Variants in CRYBG1 observed in about 807,000 individuals in gnomAD.
CRYBG1 encodes beta/gamma crystallin domain-containing protein 1.
CRYBG1 carries 139 observed loss-of-function variants against 189.2 expected under a neutral mutation model. The ratio of observed to expected loss-of-function variants is 0.73; its 90% CI spans 0.64 to 0.85. The LOEUF (loss-of-function observed/expected upper bound fraction) is 0.85. CRYBG1 is among the 40% of genes least tolerant of loss of function. CRYBG1 has a pLI of 0.00. For missense variants in CRYBG1, 2,611 were observed against 2,675.8 expected (o/e 0.98, Z 0.53); for synonymous variants, 1,023 against 1,017.1 (o/e 1.01, Z -0.11).
chr6:106,422,016 C>G (rs894055945), intron 1 of CRYBG1, among the ~76,000 whole-genome samples: 2 of 152,236 alleles, frequency 1.3e-5, no homozygotes, highest in African/African-American at 4.8e-5. Context: ...CACCAGGTCC[C>G]TCCCACAACA....
chr6:106,386,847 T>C (rs1770400571), intron 1 of CRYBG1, among the ~76,000 whole-genome samples: 2 of 152,182 alleles, frequency 1.3e-5, no homozygotes, highest in Non-Finnish European at 2.9e-5. Context: ...TAATAGGCCC[T>C]GGACCACTAT....
At chr6:106,472,637 G>A (rs1772256127) in intron 2 of CRYBG1, among the ~76,000 whole-genome samples, 1 of 151,930 alleles carries the variant, frequency 6.6e-6, no homozygotes, top group African/African-American at 2.4e-5. Context: ...GCTCATGCCT[G>A]TAATCCCAGC....
intron 6 of CRYBG1, among the ~76,000 whole-genome samples, chr6:106,526,771 T>G (rs770868842): frequency 3.3e-5 from 5 of 151,592 alleles, no homozygotes; most frequent in Admixed American, 6.6e-5. Context: ...GGAAACTCAG[T>G]CTCTACTAAA....
chr6:106,519,303 C>A lies in CRYBG1; in HGVS notation c.2095C>A (p.Arg699=). 2 of 1,614,088 alleles carry A rather than the reference C, an allele frequency of 1.2e-6. No individual in the cohort carries two copies. The highest frequency in any genetic ancestry group is 4.5e-5 in the East Asian group (2 of 44,892). Residue 699 remains arginine, a synonymous_variant, in exon 4 of 22, where the codon CGA becomes AGA. Coordinates refer to ENST00000633556, the MANE Select transcript of CRYBG1 (RefSeq NM_001371242.2). ...TNSSPRHTDI[R]GQRNTPASSK... is the part of the protein sequence containing the mutation. ...CAGTAGCCCAAGACACACTGACATT[C>A]GAGGCCAAAGGAATACTCCTGCCTC...
intron 1 of CRYBG1, among the ~76,000 whole-genome samples, chr6:106,447,928 AC>A (rs1224083034): frequency 6.6e-6 from 1 of 152,048 alleles, no homozygotes; most frequent in African/African-American, 2.4e-5. Context: ...GGTCTTAGAG[AC>A]CTCTTGGCAC....
At chr6:106,476,604 C>T (rs1458476182) in intron 2 of CRYBG1, among the ~76,000 whole-genome samples, 1 of 151,934 alleles carries the variant, frequency 6.6e-6, no homozygotes, top group Non-Finnish European at 1.5e-5. Flanking sequence ...TTTTTTAATG[C>T]TGATTTTGTA....
At chr6:106,450,926 A>C (rs368471563) in intron 1 of CRYBG1, among the ~76,000 whole-genome samples, 1 of 152,252 alleles carries the variant, frequency 6.6e-6, no homozygotes, top group Non-Finnish European at 1.5e-5. Context: ...TAACATAAGC[A>C]AGACAGTTAC....
chr6:106,463,933 A>G (rs528984260), intron 2 of CRYBG1, among the ~76,000 whole-genome samples: 1 of 152,336 alleles, frequency 6.6e-6, no homozygotes, highest in East Asian at 1.9e-4. Flanking sequence ...ATCAGTTACC[A>G]GTAGATATTT....
intron 13 of CRYBG1, among the ~76,000 whole-genome samples, chr6:106,549,499 G>A (rs1774349583): frequency 6.6e-6 from 1 of 152,182 alleles, no homozygotes; most frequent in Non-Finnish European, 1.5e-5. Context: ...AGCACTTTAG[G>A]AGGCTGAGGT....
intron 20 of CRYBG1, among the ~76,000 whole-genome samples, chr6:106,562,632 G>A (rs535693066): frequency 3.3e-5 from 5 of 151,956 alleles, no homozygotes; most frequent in Admixed American, 2.0e-4. Flanking sequence ...GACTACAGGC[G>A]TGTGCCACCA....
chr6:106,362,537 A>C lies in CRYBG1; in HGVS notation c.173+1456A>C, dbSNP rs1264361670. Among the ~76,000 whole-genome samples, 6 of 152,304 alleles carry C rather than the reference A, an allele frequency of 3.9e-5. No individual in the cohort carries two copies. The East Asian group carries it at 1.2e-3, about 29-fold the overall frequency. ...CAGGGAGGAGCAGCGAGTTCCAGGCAGGGGCTGCACTGTGCACATCACCAG... is the reference window on the plus strand; with the variant it reads ...CAGGGAGGAGCAGCGAGTTCCAGGCCGGGGCTGCACTGTGCACATCACCAG... On this transcript the variant is annotated intron_variant, in intron 1 of 21. Coordinates refer to ENST00000633556, the MANE Select transcript of CRYBG1 (RefSeq NM_001371242.2).
intron 2 of CRYBG1, among the ~76,000 whole-genome samples, chr6:106,510,834 G>C (rs753924404): frequency 6.6e-6 from 1 of 152,238 alleles, no homozygotes; most frequent in South Asian, 2.1e-4. Context: ...TTGGAGCTCC[G>C]GCTAAGGCGG....
Position 106,520,559 on chromosome 6 carries a change from C to A in CRYBG1, c.3351C>A (p.Ser1117Arg). The A allele has an allele frequency of 6.2e-7, 1 of 1,614,074 alleles. No homozygotes were observed. The highest frequency in any genetic ancestry group is 8.5e-7 in the Non-Finnish European group (1 of 1,179,962). The change falls in exon 4 of 22, where the codon AGC (serine) becomes AGA (arginine). Residue 1117 changes from serine (S) to arginine (R), a missense_variant. Ser to Arg is a moderately radical substitution (Grantham distance 110). Transcript: ENST00000633556. ...KFTEIIKQMD[S>R]AVCMPMKRKK... is the part of the protein sequence containing the mutation. ...CTGAAATTATAAAACAGATGGATAGCGCAGTTTGTATGCCCATGAAAAGAA... is the reference window on the plus strand; with the variant it reads ...CTGAAATTATAAAACAGATGGATAGAGCAGTTTGTATGCCCATGAAAAGAA...
intron 1 of CRYBG1, among the ~76,000 whole-genome samples, chr6:106,424,417 C>T (rs745838018): frequency 1.3e-5 from 2 of 152,170 alleles, no homozygotes; most frequent in Non-Finnish European, 2.9e-5. Flanking sequence ...TGCATATGGC[C>T]TGGAGGACCA....
At chr6:106,392,348 TCTC>T (rs1770523521) in intron 1 of CRYBG1, among the ~76,000 whole-genome samples, 1 of 152,188 alleles carries the variant, frequency 6.6e-6, no homozygotes, top group South Asian at 2.1e-4. Flanking sequence ...AATCTCCCGC[TCTC>T]CTCATCTATT....
chr6:106,521,415 A>T lies in CRYBG1; in HGVS notation c.4207A>T (p.Ser1403Cys). 6.3e-7 allele frequency: 1 copy of T among 1,590,860 alleles called. No individual in the cohort carries two copies. The highest frequency in any genetic ancestry group is 8.5e-7 in the Non-Finnish European group (1 of 1,172,006). Residue 1403 changes from serine to cysteine, a missense_variant, in exon 4 of 22, where the codon AGC (serine) becomes TGC (cysteine). Physicochemically the swap from Ser to Cys is moderately radical, Grantham distance 112. This residue lies in a region of CRYBG1 where 1,622 missense variants were observed against 1,735.0 expected (regional missense o/e 0.93). Coordinates refer to ENST00000633556, the MANE Select transcript of CRYBG1 (RefSeq NM_001371242.2). ...TTTCAAATCAAGCCGGTATGACCCA[A>T]GCATTTCTTTTTCTGGAATGTCATT... ...GLFKSSRYDP[S>C]ISFSGMSLSD...
intron 1 of CRYBG1, among the ~76,000 whole-genome samples, chr6:106,379,929 T>C (rs1396682732): frequency 6.6e-6 from 1 of 152,212 alleles, no homozygotes; most frequent in Non-Finnish European, 1.5e-5. Context: ...CATTACAATT[T>C]TAATATAATA....
rs550497773 is a variant in CRYBG1 at position 106,490,856 on chromosome 6, T to A, written c.313-20574T>A. 1.1e-4 allele frequency among the ~76,000 whole-genome samples: 17 copies of A among 151,620 alleles called. No individual in the cohort carries two copies. The South Asian group carries it at 2.9e-3, about 26-fold the overall frequency. ...TTCTCACACTCTGTGAAAAGGCCTG[T>A]TGCTCTTGATGAGCACTTGATCATT... On this transcript the variant is annotated intron_variant, in intron 2 of 21. Transcript: ENST00000633556.
Position 106,512,438 on chromosome 6 carries a change from G to C in CRYBG1, c.1321G>C (p.Ala441Pro). Reference protein sequence around the residue: ...PGADAELPESAARDDAVFDDE... With the variant: ...PGADAELPESPARDDAVFDDE... ...CGCGGACGCCGAGCTCCCTGAGAGC[G>C]CTGCCAGGGACGACGCGGTGTTCGA... The change falls in exon 3 of 22, where the codon GCT becomes CCT. Residue 441 changes from alanine to proline, a missense_variant. Ala to Pro is a conservative substitution (Grantham distance 27, BLOSUM62 -1). Transcript: ENST00000633556. 4 of 1,609,932 alleles carry C rather than the reference G, an allele frequency of 2.5e-6. No homozygotes were observed. Among genetic ancestry groups the C allele is most frequent in the Non-Finnish European group, 3.4e-6 (4 of 1,178,736 alleles).
Sources: gnomAD v4.1 joint callset for allele counts (sites outside exome capture counted in the v4.1 genomes callset) on GRCh38, gnomAD v4.1.1 for gene constraint, gnomAD v4.1.1 regional missense constraint, MANE v1.5 for transcripts, NCBI Gene and HGNC (gene_info 2026-07-23, HGNC 2026-07-21) for gene names.